TGFB2: variants seen among roughly 807,000 people sequenced by gnomAD.
TGFB2 encodes transforming growth factor beta-2 proprotein.
TGFB2 carries 13 observed loss-of-function variants against 42.7 expected under a neutral mutation model. That is an observed-to-expected ratio of 0.30 (90% confidence interval 0.20 to 0.48). The LOEUF (loss-of-function observed/expected upper bound fraction) is 0.48. Ranked by LOEUF, TGFB2 falls within the 20% of genes least tolerant of loss-of-function variation. TGFB2 has a pLI of 0.99. For synonymous variants in TGFB2, 193 were observed against 193.6 expected (o/e 1.00, Z 0.03); for missense variants, 390 against 517.5 (o/e 0.75, Z 2.39).
intron 2 of TGFB2, among the ~76,000 whole-genome samples, chr1:218,407,564 G>A (rs182663676): frequency 3.9e-5 from 6 of 152,218 alleles, no homozygotes; most frequent in Non-Finnish European, 8.8e-5. Flanking sequence ...CAGACACTAT[G>A]CTGAGCAAAG....
intron 2 of TGFB2, 112 bp from the exon 3 acceptor site, chr1:218,433,970 C>T: frequency 1.4e-6 from 2 of 1,424,568 alleles, no homozygotes; most frequent in South Asian, 2.6e-5. Flanking sequence ...CATGGCTATA[C>T]TACAGTAGAG....
At chr1:218,437,616 C>G (rs1660014689) in intron 6 of TGFB2, 120 bp downstream of exon 6, 1 of 1,089,890 alleles carries the variant, frequency 9.2e-7, no homozygotes, top group Non-Finnish European at 1.2e-6. Flanking sequence ...TGTATGGGTA[C>G]TGGAGAAAAA....
chr1:218,379,130 C>T (rs59028457), intron 1 of TGFB2, among the ~76,000 whole-genome samples: 84,626 of 142,416 alleles, frequency 0.59, 25,538 homozygotes, highest in Non-Finnish European at 0.61. Flanking sequence ...TTCTTTCTTT[C>T]TTTTTTTTTT....
At position 218,441,394 on chromosome 1, in the gene TGFB2, CAAT is replaced by C. The variant is rs766639397; in HGVS notation, c.*33_*35del. ...TGGAAAAGTGGCAAGACCAAAATGA[CAAT>C]GATGATGATAATGATGATGACGACG... On this transcript the variant is annotated 3_prime_UTR_variant, in exon 7 of 7. Transcript: ENST00000366930. The C allele has an allele frequency of 6.3e-6, 10 of 1,583,682 alleles. No individual in the cohort carries two copies. In the African/African-American group the frequency reaches 1.1e-4, roughly 17 times the overall value.
At chr1:218,417,711 G>A (rs993202185) in intron 2 of TGFB2, among the ~76,000 whole-genome samples, 22 of 152,188 alleles carry the variant, frequency 1.4e-4, no homozygotes, top group African/African-American at 5.3e-4. Context: ...GGTTTTGTGG[G>A]CCTGGCCCAG....
chr1:218,377,011 A>G (rs1235328973), intron 1 of TGFB2, among the ~76,000 whole-genome samples: 1 of 151,978 alleles, frequency 6.6e-6, no homozygotes, highest in Non-Finnish European at 1.5e-5. Context: ...CTCCCACCTC[A>G]GCCTAGGAGG....
At chr1:218,347,973 G>A (rs1309393637) in intron 1 of TGFB2, among the ~76,000 whole-genome samples, 3 of 148,134 alleles carry the variant, frequency 2.0e-5, no homozygotes, top group Non-Finnish European at 4.4e-5. Context: ...TGAGAACAGT[G>A]TCCTCAAAAC....
Position 218,444,106 on chromosome 1 carries a change from G to C in TGFB2, c.*2744G>C, listed in dbSNP as rs1660245186. On this transcript the variant is annotated 3_prime_UTR_variant, in exon 7 of 7. Coordinates refer to ENST00000366930, the MANE Select transcript of TGFB2 (RefSeq NM_003238.6). ...CATACCACCTTTCCGATTGCCCTCT[G>C]TGCTTTCTCCCTTAAGGACAGTCAC... 1 of 152,052 alleles carries C rather than the reference G, an allele frequency of 6.6e-6. No homozygotes were observed. Among genetic ancestry groups the C allele is most frequent in the Non-Finnish European group, 1.5e-5 (1 of 68,008 alleles). The allele number at this position is 152,052 out of a possible 1,614,324, so 9.4% of individuals were successfully genotyped here. A position where few individuals can be genotyped will look rare whatever the true frequency, so the allele number is the denominator to read the frequency against.
At chr1:218,434,001 A>C in intron 2 of TGFB2, 81 bp from the exon 3 acceptor site, 1 of 1,559,994 alleles carries the variant, frequency 6.4e-7, no homozygotes, top group Non-Finnish European at 8.7e-7. Flanking sequence ...GTAATGAATT[A>C]GAACACTGTT....
intron 1 of TGFB2, among the ~76,000 whole-genome samples, chr1:218,396,180 G>T (rs938795059): frequency 2.0e-5 from 3 of 152,164 alleles, no homozygotes; most frequent in East Asian, 1.9e-4. Context: ...TCTCAAACTT[G>T]AGTGTAAAAA....
At chr1:218,396,834 C>T (rs78331112) in intron 1 of TGFB2, among the ~76,000 whole-genome samples, 6,644 of 152,144 alleles carry the variant, frequency 0.044, 180 homozygotes, top group East Asian at 0.15. Flanking sequence ...CAAGTTCCTC[C>T]GTTGATTAAA....
At chr1:218,354,561 C>T (rs1656972510) in intron 1 of TGFB2, among the ~76,000 whole-genome samples, 1 of 152,158 alleles carries the variant, frequency 6.6e-6, no homozygotes, top group Admixed American at 6.5e-5. Flanking sequence ...GAGGTTAATA[C>T]TCATACTGTC....
intron 1 of TGFB2, among the ~76,000 whole-genome samples, chr1:218,353,478 A>C (rs1212698925): frequency 6.6e-6 from 1 of 152,218 alleles, no homozygotes; most frequent in Non-Finnish European, 1.5e-5. Context: ...AAATCCCTGC[A>C]TGAAAACTAT....
chr1:218,436,124 T>TTTGGGGCGG lies in TGFB2; in HGVS notation c.913_914insGGCGGTTGG (p.Leu304_Asp305insGlyArgLeu). On this transcript the variant is annotated inframe_insertion, in exon 5 of 7. Transcript: ENST00000366930. Reference sequence around the variant, plus strand: ...AGACCAACCGGCGGAAGAAGCGTGCTTTGGATGCGGCCTATTGCTTTAGGT... The same window carrying TTTGGGGCGG: ...AGACCAACCGGCGGAAGAAGCGTGCTTTGGGGCGGTTGGATGCGGCCTATTGCTTTAGGT... 1 of 1,613,348 alleles carries TTTGGGGCGG rather than the reference T, an allele frequency of 6.2e-7. No individual in the cohort carries two copies. Among genetic ancestry groups the TTTGGGGCGG allele is most frequent in the Non-Finnish European group, 8.5e-7 (1 of 1,179,770 alleles).
intron 1 of TGFB2, among the ~76,000 whole-genome samples, chr1:218,395,338 A>G (rs1341522782): frequency 6.6e-6 from 1 of 152,192 alleles, no homozygotes; most frequent in East Asian, 1.9e-4. Context: ...CTTGCATTAA[A>G]GTTTTTCAAG....
chr1:218,429,323 C>A (rs564433003), intron 2 of TGFB2, among the ~76,000 whole-genome samples: 12 of 152,248 alleles, frequency 7.9e-5, no homozygotes, highest in African/African-American at 2.9e-4. Flanking sequence ...TTTAAAGTAC[C>A]TTTTGTAAGT....
chr1:218,400,895 A>G (rs1658692689), intron 1 of TGFB2, among the ~76,000 whole-genome samples: 1 of 152,098 alleles, frequency 6.6e-6, no homozygotes, highest in South Asian at 2.1e-4. Flanking sequence ...GGCAAGGGGT[A>G]GGAGGCAGAG....
At chr1:218,431,655 A>G (rs555287192) in intron 2 of TGFB2, among the ~76,000 whole-genome samples, 18 of 152,388 alleles carry the variant, frequency 1.2e-4, no homozygotes, top group African/African-American at 3.8e-4. Context: ...GCACAGAAAT[A>G]TGCAAAGCAT....
chr1:218,389,859 GA>G (rs1658264292), intron 1 of TGFB2, among the ~76,000 whole-genome samples: 1 of 152,142 alleles, frequency 6.6e-6, no homozygotes, highest in Admixed American at 6.5e-5. Flanking sequence ...TAATATGTGA[GA>G]AATAAACATC....
Sources: allele counts gnomAD v4.1 joint callset (sites outside exome capture counted in the v4.1 genomes callset), GRCh38; gene constraint gnomAD v4.1.1; transcripts MANE v1.5; gene names NCBI Gene and HGNC (gene_info 2026-07-23, HGNC 2026-07-21).